NEK1: variants seen among roughly 807,000 people sequenced by gnomAD.
NEK1 encodes the protein NIMA related kinase 1, also known as serine/threonine-protein kinase Nek1.
NEK1 carries 137 observed loss-of-function variants against 182.1 expected under a neutral mutation model. The ratio of observed to expected loss-of-function variants is 0.75; its 90% CI spans 0.65 to 0.87. NEK1 has a LOEUF of 0.87. NEK1 is among the 40% of genes least tolerant of loss of function. The pLI, the probability that NEK1 is intolerant of heterozygous loss-of-function variation, is 0.00. For missense variants in NEK1, 1,391 were observed against 1,494.4 expected, an observed-to-expected ratio of 0.93 and a Z score of 1.14; for synonymous variants, 513 against 492.2, an observed-to-expected ratio of 1.04 and a Z score of -0.56.
intron 26 of NEK1, among the ~76,000 whole-genome samples, chr4:169,469,577 G>C (rs1394670285): frequency 6.6e-6 from 1 of 152,208 alleles, no homozygotes. Flanking sequence ...ATGTGGTGCT[G>C]AGAAGAATAT....
chr4:169,408,877 G>C (rs1733111767), intron 31 of NEK1, among the ~76,000 whole-genome samples: 1 of 152,178 alleles, frequency 6.6e-6, no homozygotes, highest in Non-Finnish European at 1.5e-5. Flanking sequence ...GTTGGTTGAT[G>C]GGCAGTTAGG....
At chr4:169,536,530 T>C (rs1237892109) in intron 19 of NEK1, among the ~76,000 whole-genome samples, 1 of 151,994 alleles carries the variant, frequency 6.6e-6, no homozygotes, top group African/African-American at 2.4e-5. Context: ...TTTTCAGACA[T>C]ACAAATGCTA....
intron 19 of NEK1, among the ~76,000 whole-genome samples, chr4:169,523,715 G>A (rs1271527868): frequency 8.5e-5 from 13 of 152,154 alleles, no homozygotes; most frequent in Non-Finnish European, 1.5e-4. Context: ...TGCTTAACAC[G>A]ATGCCTGGCA....
chr4:169,557,125 G>C (rs927108607), intron 16 of NEK1, among the ~76,000 whole-genome samples: 24 of 152,228 alleles, frequency 1.6e-4, no homozygotes, highest in African/African-American at 5.8e-4. Context: ...ATGGTAAGCA[G>C]AAATAAGAAA....
At chr4:169,474,671 A>G (rs759252443) in intron 26 of NEK1, among the ~76,000 whole-genome samples, 16 of 152,112 alleles carry the variant, frequency 1.1e-4, no homozygotes, top group Non-Finnish European at 1.6e-4. Context: ...TGGAACCCAT[A>G]CTACAGTCTC....
intron 23 of NEK1, among the ~76,000 whole-genome samples, chr4:169,480,229 A>G (rs978940069): frequency 1.3e-5 from 2 of 152,114 alleles, no homozygotes; most frequent in African/African-American, 2.4e-5. Flanking sequence ...TTCAAACACA[A>G]TATTTATTGA....
At chr4:169,522,476 T>C (rs1756233379) in intron 19 of NEK1, among the ~76,000 whole-genome samples, 1 of 152,228 alleles carries the variant, frequency 6.6e-6, no homozygotes, top group Admixed American at 6.5e-5. Flanking sequence ...ATCTATTTTA[T>C]GCAGGAAGTA....
intron 23 of NEK1, among the ~76,000 whole-genome samples, chr4:169,493,084 T>C (rs1750423777): frequency 6.6e-6 from 1 of 152,168 alleles, no homozygotes; most frequent in South Asian, 2.1e-4. Flanking sequence ...TGTATCTTAC[T>C]CTTCGGCACC....
intron 19 of NEK1, among the ~76,000 whole-genome samples, chr4:169,512,407 C>A (rs1373679294): frequency 6.6e-6 from 1 of 151,958 alleles, no homozygotes; most frequent in South Asian, 2.1e-4. Flanking sequence ...ATATGTATAT[C>A]CTCTTTGGTG....
Position 169,468,406 on chromosome 4 carries a change from A to T in NEK1, c.2435-5011T>A, listed in dbSNP as rs564691080. On this transcript the variant is annotated intron_variant, in intron 26 of 35. Coordinates refer to ENST00000507142, the MANE Select transcript of NEK1 (RefSeq NM_001199397.3). ...ATCTTGATGGGGGTTCTTATTTTGT[A>T]GCTCCCAGCATTTGTTAAAAACCAG... is the stretch of plus-strand genomic sequence containing the variant. Among the ~76,000 whole-genome samples, 6 of 152,244 alleles carry T rather than the reference A, an allele frequency of 3.9e-5. No homozygotes were observed. The East Asian group carries it at 7.7e-4, about 20-fold the overall frequency.
At chr4:169,544,961 T>G (rs1377552768) in intron 18 of NEK1, among the ~76,000 whole-genome samples, 1 of 152,020 alleles carries the variant, frequency 6.6e-6, no homozygotes, top group African/African-American at 2.4e-5. Flanking sequence ...TTTGAAGGGT[T>G]TTTTGTGTCT....
At chr4:169,567,572 G>C (rs978143424) in intron 12 of NEK1, among the ~76,000 whole-genome samples, 1 of 152,086 alleles carries the variant, frequency 6.6e-6, no homozygotes, top group Non-Finnish European at 1.5e-5. Flanking sequence ...GTTAATTTTT[G>C]TATTTTTACT....
chr4:169,427,484 G>C (rs1260548662), intron 29 of NEK1, among the ~76,000 whole-genome samples: 1 of 149,190 alleles, frequency 6.7e-6, no homozygotes, highest in Non-Finnish European at 1.5e-5. Context: ...ACCATTTTCT[G>C]CTTTTATTTT....
At chr4:169,418,259 G>C (rs938976771) in intron 31 of NEK1, among the ~76,000 whole-genome samples, 1 of 152,078 alleles carries the variant, frequency 6.6e-6, no homozygotes, top group African/African-American at 2.4e-5. Context: ...TAAAAACAAA[G>C]TTTAAAAGTG....
At chr4:169,508,107 G>T in intron 21 of NEK1, 141 bp downstream of exon 21, 1 of 710,728 alleles carries the variant, frequency 1.4e-6, no homozygotes, top group Non-Finnish European at 2.3e-6. Flanking sequence ...TTTACTTTAT[G>T]TGTAGTTTTT....
At position 169,610,851 on chromosome 4, in the gene NEK1, T is replaced by C. The variant is rs1462394161; in HGVS notation, c.-49+1169A>G. ...CAGGTTTCAAGAAGTCTTTTGGCGCTGTATGCAGCTACAATCCATACATAC... is the reference window on the plus strand; with the variant it reads ...CAGGTTTCAAGAAGTCTTTTGGCGCCGTATGCAGCTACAATCCATACATAC... On this transcript the variant is annotated intron_variant, in intron 2 of 35. Coordinates refer to ENST00000507142, the MANE Select transcript of NEK1 (RefSeq NM_001199397.3). 8.5e-5 allele frequency among the ~76,000 whole-genome samples: 13 copies of C among 152,360 alleles called. No individual in the cohort carries two copies. In the East Asian group the frequency reaches 2.5e-3, roughly 29 times the overall value.
At chr4:169,590,317 T>TAGACAGACAGACAGAC (rs779764524) in intron 6 of NEK1, among the ~76,000 whole-genome samples, 16 of 139,772 alleles carry the variant, frequency 1.1e-4, no homozygotes, top group African/African-American at 3.0e-4. Flanking sequence ...TCAAAAACAA[T>TAGACAGACAGACAGAC]AGATAGACAG....
intron 19 of NEK1, among the ~76,000 whole-genome samples, chr4:169,534,993 A>G (rs1272893747): frequency 6.6e-6 from 1 of 152,184 alleles, no homozygotes; most frequent in East Asian, 1.9e-4. Context: ...CATGGAAGGT[A>G]TAAAAACAAT....
chr4:169,396,706 C>T (rs997605798), intron 35 of NEK1, among the ~76,000 whole-genome samples: 1 of 152,108 alleles, frequency 6.6e-6, no homozygotes, highest in African/African-American at 2.4e-5. Flanking sequence ...TATATAATTT[C>T]CAGTGAAATA....
Sources: allele counts gnomAD v4.1 joint callset (sites outside exome capture counted in the v4.1 genomes callset), GRCh38; gene constraint gnomAD v4.1.1; transcripts MANE v1.5; gene names NCBI Gene and HGNC (gene_info 2026-07-23, HGNC 2026-07-21).